ANK3: variants seen among roughly 807,000 people sequenced by gnomAD.
ANK3 encodes the protein ankyrin 3.
Under a neutral mutation model 370.9 loss-of-function variants are expected in ANK3, and 57 were observed. That is an observed-to-expected ratio of 0.15 (90% CI 0.12 to 0.19). The LOEUF (loss-of-function observed/expected upper bound fraction) is 0.19. ANK3 is among the 10% of genes least tolerant of loss of function. The probability of loss-of-function intolerance (pLI) is 1.00; values close to 1 mark genes in which losing one functional copy is unlikely to be tolerated. For synonymous variants in ANK3, 1,929 were observed against 1,946.3 expected (o/e 0.99, Z 0.23); for missense variants, 4,439 against 5,302.1 (o/e 0.84, Z 5.06).
chr10:60,427,158 C>T (rs951039996), intron 2 of ANK3, among the ~76,000 whole-genome samples: 1 of 152,058 alleles, frequency 6.6e-6, no homozygotes, highest in African/African-American at 2.4e-5. Flanking sequence ...CCCAACATTC[C>T]AATTTAGGTA....
At chr10:60,510,153 C>T (rs1008786214) in intron 2 of ANK3, among the ~76,000 whole-genome samples, 1 of 152,020 alleles carries the variant, frequency 6.6e-6, no homozygotes, top group Non-Finnish European at 1.5e-5. Flanking sequence ...TCTCCCCTTA[C>T]AAAATATTTG....
Position 60,596,339 on chromosome 10 carries a change from A to C in ANK3, c.96+18847T>G, listed in dbSNP as rs2077987805. Among the ~76,000 whole-genome samples, 3 of 152,156 alleles carry C rather than the reference A, an allele frequency of 2.0e-5. No individual in the cohort carries two copies. The South Asian group carries it at 6.2e-4, about 32-fold the overall frequency. On this transcript the variant is annotated intron_variant, in intron 2 of 43. Coordinates refer to the ANK3 transcript ENST00000373827. ...ACAATAATGAAATCACCAACACTGAAATTAAAATTTACCCAAATAAATCCA... is the reference window on the plus strand; with the variant it reads ...ACAATAATGAAATCACCAACACTGACATTAAAATTTACCCAAATAAATCCA...
At chr10:60,121,834 T>C (rs543465548) in intron 25 of ANK3, among the ~76,000 whole-genome samples, 194 of 152,196 alleles carry the variant, frequency 1.3e-3, no homozygotes, top group Admixed American at 3.1e-3. Flanking sequence ...ATGCTTGAGG[T>C]GATAGATACC....
In ANK3 at chr10:60,426,350, C is replaced by A. The variant is rs888661825; in HGVS notation, c.97-146711G>T. ...GCCATGTCCCTAAATTTAGTCACAA[C>A]CTCAAGTTGCGATACTACTGTCTTC... On this transcript the variant is annotated intron_variant, in intron 2 of 43. Transcript: ENST00000373827. Among the ~76,000 whole-genome samples, 6 of 152,206 alleles carry A rather than the reference C, an allele frequency of 3.9e-5. No homozygotes were observed. The South Asian group carries it at 1.2e-3, about 32-fold the overall frequency.
rs2072734615 is a variant in ANK3, at chr10:60,029,196, TCACCCC to T, written c.*644_*649del. The stretch of plus-strand genomic sequence containing the variant: ...CTAATATACAAGAATCAGTGAAGAG[TCACCCC>T]CACCCAGAATCCCTCCCTCCTCTTC... On this transcript the variant is annotated 3_prime_UTR_variant, in exon 44 of 44. Transcript: ENST00000280772. 1 of 152,220 alleles carries T rather than the reference TCACCCC, an allele frequency of 6.6e-6. No homozygotes were observed. The highest frequency in any genetic ancestry group is 2.4e-5 in the African/African-American group (1 of 41,396). The allele number at this position is 152,220 out of a possible 1,614,324, so 9.4% of individuals were successfully genotyped here. A position where few individuals can be genotyped will look rare whatever the true frequency, so the allele number is the denominator to read the frequency against.
intron 1 of ANK3, among the ~76,000 whole-genome samples, chr10:60,697,704 G>T (rs1455731009): frequency 2.0e-5 from 3 of 151,714 alleles, no homozygotes; most frequent in Admixed American, 1.3e-4. Flanking sequence ...TAGCCATATG[G>T]AGAAAGCTGA....
In ANK3 at chr10:60,027,690, G is replaced by A. The variant is rs2072471473; in HGVS notation, c.*2156C>T. Reference sequence around the variant, plus strand: ...GCATGTAGTGAGCACTCCAGTTTTAGTGATGATGATCACAGTTACTACTAT... The same window carrying A: ...GCATGTAGTGAGCACTCCAGTTTTAATGATGATGATCACAGTTACTACTAT... On this transcript the variant is annotated 3_prime_UTR_variant, in exon 44 of 44. Coordinates refer to ENST00000280772, the MANE Select transcript of ANK3 (RefSeq NM_020987.5). The A allele has an allele frequency of 6.6e-6, 1 of 152,206 alleles. No individual in the cohort carries two copies. Among genetic ancestry groups the A allele is most frequent in the African/African-American group, 2.4e-5 (1 of 41,450 alleles). The allele number at this position is 152,206 out of a possible 1,614,324, so 9.4% of individuals were successfully genotyped here. A position where few individuals can be genotyped will look rare whatever the true frequency, so the allele number is the denominator to read the frequency against.
intron 2 of ANK3, among the ~76,000 whole-genome samples, chr10:60,553,786 A>G (rs2077145832): frequency 6.6e-6 from 1 of 152,204 alleles, no homozygotes; most frequent in South Asian, 2.1e-4. Context: ...TTAGATAAAC[A>G]TTTACCACAA....
intron 15 of ANK3, 134 bp downstream of exon 15, chr10:60,196,393 T>C (rs970536231): frequency 2.2e-6 from 2 of 917,194 alleles, no homozygotes; most frequent in Non-Finnish European, 3.3e-6. Context: ...TTACCTTTTA[T>C]TTCCCAAGTG....
chr10:60,711,098 G>A lies in ANK3; in HGVS notation c.57+22165C>T, dbSNP rs558071855. Among the ~76,000 whole-genome samples the A allele has an allele frequency of 5.9e-5, 9 of 152,070 alleles. No homozygotes were observed. The South Asian group carries it at 1.7e-3, about 28-fold the overall frequency. ...TGAGCATCTTTTGGCCCAGTCAAGGGGACACATAAAATAACCATTACATGT... is the reference window on the plus strand; with the variant it reads ...TGAGCATCTTTTGGCCCAGTCAAGGAGACACATAAAATAACCATTACATGT... On this transcript the variant is annotated intron_variant, in intron 1 of 43. Coordinates refer to the ANK3 transcript ENST00000373827.
chr10:60,363,023 C>G (rs10994313), intron 1 of ANK3, among the ~76,000 whole-genome samples: 55,659 of 143,034 alleles, frequency 0.39, 11,087 homozygotes, highest in Middle Eastern at 0.55. Context: ...CCCTTTCCAG[C>G]AGAAATGCCA....
intron 8 of ANK3, among the ~76,000 whole-genome samples, chr10:60,233,419 T>G (rs573357123): frequency 1.3e-5 from 2 of 152,236 alleles, no homozygotes; most frequent in African/African-American, 4.8e-5. Flanking sequence ...TATTTGTGGG[T>G]TTTTATAATT....
intron 4 of ANK3, among the ~76,000 whole-genome samples, chr10:60,275,738 G>A (rs886090453): frequency 6.6e-6 from 1 of 152,098 alleles, no homozygotes; most frequent in Non-Finnish European, 1.5e-5. Context: ...TCTTACCTTT[G>A]CAAATGCCAC....
Position 60,071,650 on chromosome 10 carries a change from G to C in ANK3, c.9231C>G (p.Leu3077=). 6.2e-7 allele frequency: 1 copy of C among 1,608,682 alleles called. No individual in the cohort carries two copies. Among genetic ancestry groups the C allele is most frequent in the Non-Finnish European group, 8.5e-7 (1 of 1,178,240 alleles). Reference sequence around the variant, plus strand: ...CTCCCTCTGTCTGGGCTAGTGGTGCGAGTTTTTCCAATCCATCAATGGGAC... The same window carrying C: ...CTCCCTCTGTCTGGGCTAGTGGTGCCAGTTTTTCCAATCCATCAATGGGAC... ...DHSPIDGLEK[L]APLAQTEGGK... is the part of the protein sequence containing the mutation. Residue 3077 remains leucine (L), a synonymous_variant, in exon 37 of 44, where the codon CTC becomes CTG. Transcript: ENST00000280772.
chr10:60,218,932 A>C (rs1024636987), intron 8 of ANK3, among the ~76,000 whole-genome samples: 2 of 151,586 alleles, frequency 1.3e-5, no homozygotes, highest in Non-Finnish European at 2.9e-5. Context: ...TAGTAGGTCC[A>C]GTCTTTTTAT....
At chr10:60,059,729 T>TACATCCACTGCTTCAGGCATTTC in intron 40 of ANK3, 1 of 1,613,874 alleles carries the variant, frequency 6.2e-7, no homozygotes, top group Non-Finnish European at 8.5e-7. Flanking sequence ...GGCTCTCATC[T>TACATCCACTGCTTCAGGCATTTC]ACATCCACTG....
chr10:60,588,638 G>A (rs976314649), intron 2 of ANK3, among the ~76,000 whole-genome samples: 4 of 151,840 alleles, frequency 2.6e-5, no homozygotes, highest in African/African-American at 9.7e-5. Context: ...TATTACAAAG[G>A]GGCTGGGTGA....
chr10:60,106,397 GAC>G (rs2092172495), intron 27 of ANK3, among the ~76,000 whole-genome samples: 1 of 151,964 alleles, frequency 6.6e-6, no homozygotes, highest in South Asian at 2.1e-4. Flanking sequence ...ATTTTTAAAA[GAC>G]ACAATAGGTA....
chr10:60,345,122 T>C (rs1162526611), intron 1 of ANK3, among the ~76,000 whole-genome samples: 8 of 152,214 alleles, frequency 5.3e-5, no homozygotes, highest in Non-Finnish European at 1.0e-4. Flanking sequence ...ATGCTGTACA[T>C]GTACCTATGC....
Sources: allele counts gnomAD v4.1 joint callset (sites outside exome capture counted in the v4.1 genomes callset), GRCh38; gene constraint gnomAD v4.1.1; transcripts MANE v1.5; gene names NCBI Gene and HGNC (gene_info 2026-07-23, HGNC 2026-07-21).